The following PTCH1 variants were observed in gnomAD, a reference collection of about 807,000 sequenced individuals.
PTCH1 encodes the protein protein patched homolog 1.
In PTCH1, 14 loss-of-function variants were observed where a neutral mutation model predicts 144.6. The observed-to-expected ratio is 0.10, with a 90% CI of 0.06 to 0.15. The LOEUF is 0.15. Among genes scored for constraint, PTCH1 ranks in the 10% least tolerant of loss-of-function variants. The pLI, the probability that PTCH1 is intolerant of heterozygous loss-of-function variation, is 1.00. For synonymous variants in PTCH1, 833 were observed against 793.6 expected (o/e 1.05, Z -0.83); for missense variants, 1,623 against 1,948.3 (o/e 0.83, Z 3.14).
chr9:95,468,074 C>T (rs1030821158), intron 14 of PTCH1, among the ~76,000 whole-genome samples: 13 of 151,900 alleles, frequency 8.6e-5, no homozygotes, highest in African/African-American at 2.9e-4. Flanking sequence ...GCCTTTTTTC[C>T]CCCTCTCTTT....
chr9:95,495,881 G>C (rs1255550894), intron 2 of PTCH1, among the ~76,000 whole-genome samples: 2 of 152,120 alleles, frequency 1.3e-5, no homozygotes, highest in Non-Finnish European at 2.9e-5. Context: ...CACTCATCTG[G>C]ACCCTGCATG....
At chr9:95,487,212 C>T (rs770934993) in intron 2 of PTCH1, among the ~76,000 whole-genome samples, 1 of 152,166 alleles carries the variant, frequency 6.6e-6, no homozygotes, top group Non-Finnish European at 1.5e-5. Flanking sequence ...CTGTGCAGGT[C>T]CACGCGGATG....
At chr9:95,473,138 C>T (rs887462619) in intron 12 of PTCH1, among the ~76,000 whole-genome samples, 2 of 152,206 alleles carry the variant, frequency 1.3e-5, no homozygotes, top group Non-Finnish European at 2.9e-5. Flanking sequence ...CAAAGAATTA[C>T]AGCTGATGCC....
At chr9:95,508,110 A>C in intron 1 of PTCH1, 51 bp downstream of exon 1, 1 of 1,604,114 alleles carries the variant, frequency 6.2e-7, no homozygotes, top group Non-Finnish European at 8.5e-7. Context: ...GGGCGATCCC[A>C]AAGAGTTAGA....
intron 15 of PTCH1, among the ~76,000 whole-genome samples, chr9:95,466,834 C>T (rs1447984465): frequency 8.5e-5 from 13 of 152,178 alleles, no homozygotes; most frequent in Admixed American, 8.5e-4. Context: ...CACCAGAAGC[C>T]TCGGCTCCAC....
At chr9:95,503,086 G>C (rs1351273370) in intron 2 of PTCH1, among the ~76,000 whole-genome samples, 2 of 152,096 alleles carry the variant, frequency 1.3e-5, no homozygotes, top group Non-Finnish European at 2.9e-5. Context: ...CTCTTCTGTT[G>C]TTTTCTAACT....
At chr9:95,464,418 C>G (rs1193469355) in intron 15 of PTCH1, among the ~76,000 whole-genome samples, 1 of 152,168 alleles carries the variant, frequency 6.6e-6, no homozygotes, top group Non-Finnish European at 1.5e-5. Flanking sequence ...TAGAAGTTCT[C>G]CTCTTATGAA....
At chr9:95,489,878 G>C (rs1395834256) in intron 2 of PTCH1, among the ~76,000 whole-genome samples, 1 of 149,750 alleles carries the variant, frequency 6.7e-6, no homozygotes, top group Non-Finnish European at 1.5e-5. Flanking sequence ...TCAGCTCACT[G>C]CAAGCTCTGC....
chr9:95,470,335 C>T (rs1488848828), intron 12 of PTCH1, among the ~76,000 whole-genome samples: 3 of 152,184 alleles, frequency 2.0e-5, no homozygotes, highest in African/African-American at 7.2e-5. Flanking sequence ...TACAGTTAAA[C>T]ATTTTTATAT....
chr9:95,444,063 G>A lies in PTCH1; in HGVS notation c.*2330C>T, dbSNP rs1032386021. On this transcript the variant is annotated 3_prime_UTR_variant, in exon 24 of 24. Transcript: ENST00000331920. ...AAACTGGCATGACAAATACTGTAGA[G>A]GAAAACATTCTTATGATACAAAATT... 3.3e-5 allele frequency: 5 copies of A among 150,738 alleles called. No individual in the cohort carries two copies. The highest frequency in any genetic ancestry group is 1.2e-4 in the African/African-American group (5 of 40,972). The allele number at this position is 150,738 out of a possible 1,614,324, so 9.3% of individuals were successfully genotyped here.
At chr9:95,473,432 A>T (rs1373887641) in intron 12 of PTCH1, among the ~76,000 whole-genome samples, 1 of 152,118 alleles carries the variant, frequency 6.6e-6, no homozygotes, top group Non-Finnish European at 1.5e-5. Context: ...GAAGCTACAT[A>T]ATGGCCAATT....
At chr9:95,504,076 C>G in intron 2 of PTCH1, among the ~76,000 whole-genome samples, 1 of 117,104 alleles carries the variant, frequency 8.5e-6, no homozygotes, top group East Asian at 3.0e-4. Context: ...ATAATAATAG[C>G]TATTTTATTG....
rs2136596563 is a variant in PTCH1 at position 95,449,075 on chromosome 9, G to A, written c.3798C>T (p.His1266=). ...GTTCTGCAGAGTCACTTACAGTGGA[G>A]TGGGCGAAGACGGGGTTTTCTGTGG... ...VEATENPVFA[H]STVVHPESRH... is the part of the protein sequence containing the mutation. The change falls in exon 22 of 24, where the codon CAC becomes CAT. Residue 1266 remains histidine, a synonymous_variant. Coordinates refer to ENST00000331920, the MANE Select transcript of PTCH1 (RefSeq NM_000264.5). This position sits in a 1 kb window ranked among gnomAD's most constrained non-coding sequence, Gnocchi z 5.3. The A allele has an allele frequency of 6.2e-7, 1 of 1,614,242 alleles. No individual in the cohort carries two copies. The highest frequency in any genetic ancestry group is 8.5e-7 in the Non-Finnish European group (1 of 1,180,048).
chr9:95,448,344 G>C (rs1016411832), intron 22 of PTCH1, among the ~76,000 whole-genome samples: 1 of 152,174 alleles, frequency 6.6e-6, no homozygotes, highest in Non-Finnish European at 1.5e-5. Flanking sequence ...GGGACAGCAG[G>C]GGGCCCTCAG....
At chr9:95,506,678 C>A in intron 1 of PTCH1, 79 bp from the exon 2 acceptor site, 1 of 1,353,392 alleles carries the variant, frequency 7.4e-7, no homozygotes. Flanking sequence ...GCGCACCCGC[C>A]CGGTGAGCCC....
intron 16 of PTCH1, 64 bp downstream of exon 16, chr9:95,461,792 G>C (rs2136685190): frequency 1.2e-6 from 2 of 1,606,202 alleles, no homozygotes; most frequent in Non-Finnish European, 1.7e-6. Flanking sequence ...CTGTCAAGCA[G>C]CCTCCACCAG....
At chr9:95,456,454 C>A in intron 18 of PTCH1, 41 bp from the exon 19 acceptor site, 1 of 1,608,526 alleles carries the variant, frequency 6.2e-7, no homozygotes, top group Non-Finnish European at 8.5e-7. Context: ...GGGCAGGTCA[C>A]CCTCTGGGGC....
intron 12 of PTCH1, among the ~76,000 whole-genome samples, chr9:95,473,512 ACT>A (rs908956641): frequency 1.4e-5 from 2 of 145,840 alleles, no homozygotes; most frequent in South Asian, 2.2e-4. Flanking sequence ...ATCATTGCAC[ACT>A]CTCTCTTTTC....
rs549817079 is a variant in PTCH1, at chr9:95,446,409, A to G, written c.*2-18T>C. ...TAATCACCCTTTAAAAGGAAGCAAA[A>G]AAGGAAGTTGAACAGAGTAAGAGGT... is the stretch of plus-strand genomic sequence containing the variant. On this transcript the variant is annotated intron_variant, in intron 23 of 23. Coordinates refer to ENST00000331920, the MANE Select transcript of PTCH1 (RefSeq NM_000264.5). 10 of 518,876 alleles carry G rather than the reference A, an allele frequency of 1.9e-5. No individual in the cohort carries two copies. Among genetic ancestry groups the G allele is most frequent in the African/African-American group, 1.9e-4 (10 of 52,102 alleles). 32.1% of individuals were successfully genotyped at this position (518,876 alleles called of 1,614,324 possible). A position where few individuals can be genotyped will look rare whatever the true frequency, so the allele number is the denominator to read the frequency against.
Sources: gnomAD v4.1 joint callset for allele counts (sites outside exome capture counted in the v4.1 genomes callset) on GRCh38, gnomAD v4.1.1 for gene constraint, Gnocchi (gnomAD v3.1) non-coding constraint, MANE v1.5 for transcripts, NCBI Gene and HGNC (gene_info 2026-07-23, HGNC 2026-07-21) for gene names.